Variants in ZNF639 observed in about 807,000 individuals in gnomAD.
The protein encoded by ZNF639 is zinc finger amplified in esophageal squamous cell carcinomas 1.
In ZNF639, 20 loss-of-function variants were observed where a neutral mutation model predicts 39.8. That is an observed-to-expected ratio of 0.50 (90% CI 0.35 to 0.73). The LOEUF (loss-of-function observed/expected upper bound fraction) is 0.73. Ranked by LOEUF, ZNF639 falls within the 30% of genes least tolerant of loss-of-function variation. The pLI is 0.00. For synonymous variants in ZNF639, 176 were observed against 189.8 expected (o/e 0.93, Z 0.60); for missense variants, 477 against 566.2 (o/e 0.84, Z 1.60).
chr3:179,326,735 C>T (rs1362644179), intron 1 of ZNF639, among the ~76,000 whole-genome samples: 1 of 151,872 alleles, frequency 6.6e-6, no homozygotes, highest in Non-Finnish European at 1.5e-5. Flanking sequence ...AAGCCATTCT[C>T]CTGCCTCAGC....
In ZNF639 at chr3:179,325,889, G is replaced by A. The variant is rs549192372; in HGVS notation, c.-82-1672G>A. ...GAGCGAGACTCTGTCCGAAAAAAAA[G>A]TAAAAATAAAATAAACTGAAAAAGC... is the stretch of plus-strand genomic sequence containing the variant. On this transcript the variant is annotated intron_variant, in intron 1 of 5. Transcript: ENST00000496856. 1.4e-4 allele frequency among the ~76,000 whole-genome samples: 21 copies of A among 150,364 alleles called. No homozygotes were observed. In the South Asian group the frequency reaches 1.7e-3, roughly 12 times the overall value.
chr3:179,336,033 C>T lies in ZNF639; in HGVS notation c.*1611C>T, dbSNP rs1362397882. ...CTCAAATTCCTGACCTCAGGTGATC[C>T]ACCTGCCTCAGTCTCCCAAAGTGCT... On this transcript the variant is annotated 3_prime_UTR_variant, in exon 6 of 6. Coordinates refer to ENST00000496856, the MANE Select transcript of ZNF639 (RefSeq NM_001303426.2). 2 of 152,100 alleles carry T rather than the reference C, an allele frequency of 1.3e-5. No individual in the cohort carries two copies. Among genetic ancestry groups the T allele is most frequent in the South Asian group, 2.1e-4 (1 of 4,826 alleles). The allele number at this position is 152,100 out of a possible 1,614,324, so 9.4% of individuals were successfully genotyped here. A position where few individuals can be genotyped will look rare whatever the true frequency, so the allele number is the denominator to read the frequency against.
At chr3:179,332,393 T>C (rs537100835) in intron 4 of ZNF639, among the ~76,000 whole-genome samples, 2 of 152,212 alleles carry the variant, frequency 1.3e-5, no homozygotes, top group East Asian at 3.9e-4. Flanking sequence ...GAGGCCAAGG[T>C]GGGAGGATCG....
At chr3:179,324,260 TTG>T (rs1455069163) in intron 1 of ZNF639, among the ~76,000 whole-genome samples, 3 of 152,226 alleles carry the variant, frequency 2.0e-5, no homozygotes, top group Non-Finnish European at 2.9e-5. Flanking sequence ...TGACTGCCTG[TTG>T]TATGTATTCT....
rs1711521333 is a variant in ZNF639, at chr3:179,336,240, G to A, written c.*1818G>A. The stretch of plus-strand genomic sequence containing the variant: ...GACTTCAACATATGAATTTGGGAGG[G>A]AACACAATTGAGTAGCAGAGTCTGA... On this transcript the variant is annotated 3_prime_UTR_variant, in exon 6 of 6. Transcript: ENST00000496856. 1 of 152,182 alleles carries A rather than the reference G, an allele frequency of 6.6e-6. No individual in the cohort carries two copies. The highest frequency in any genetic ancestry group is 2.4e-5 in the African/African-American group (1 of 41,428). The allele number at this position is 152,182 out of a possible 1,614,324, so 9.4% of individuals were successfully genotyped here.
chr3:179,328,015 T>A, intron 2 of ZNF639: 1 of 278,260 alleles, frequency 3.6e-6, no homozygotes, highest in Non-Finnish European at 6.8e-6. Context: ...ATTGTAATTA[T>A]CCAGTTCTCA....
At chr3:179,328,565 C>T (rs1036839681) in intron 3 of ZNF639, among the ~76,000 whole-genome samples, 1 of 152,170 alleles carries the variant, frequency 6.6e-6, no homozygotes. Flanking sequence ...TATTATTCCT[C>T]ACAGCTCTAT....
chr3:179,329,749 AAT>A (rs751933599), intron 4 of ZNF639, 21 bp downstream of exon 4: 9 of 1,355,914 alleles, frequency 6.6e-6, no homozygotes, highest in South Asian at 4.0e-5. Context: ...TATTTTCGAA[AAT>A]ATGTTTCTTT....
At chr3:179,329,288 C>T (rs1311506712) in intron 3 of ZNF639, among the ~76,000 whole-genome samples, 1 of 152,198 alleles carries the variant, frequency 6.6e-6, no homozygotes. Context: ...TGACATGGCA[C>T]ACCTTCCTGG....
rs552959359 is a variant in ZNF639 at position 179,324,783 on chromosome 3, G to A, written c.-83+1492G>A. Reference sequence around the variant, plus strand: ...TTTTCTTACTTTTATTCTTCAAGTTGCAAAGAACTTGAGATGCATTCTGAA... The same window carrying A: ...TTTTCTTACTTTTATTCTTCAAGTTACAAAGAACTTGAGATGCATTCTGAA... On this transcript the variant is annotated intron_variant, in intron 1 of 5. Coordinates refer to ENST00000496856, the MANE Select transcript of ZNF639 (RefSeq NM_001303426.2). Among the ~76,000 whole-genome samples the A allele has an allele frequency of 1.1e-4, 16 of 152,284 alleles. 1 individual carries two copies. Among genetic ancestry groups the A allele is most frequent in the African/African-American group, 2.9e-4 (12 of 41,560 alleles).
At position 179,334,119 on chromosome 3, in the gene ZNF639, T is replaced by G. The variant is rs1345908444; in HGVS notation, c.1155T>G (p.Leu385=). 1.7e-5 allele frequency: 27 copies of G among 1,613,960 alleles called. No homozygotes were observed. Among genetic ancestry groups the G allele is most frequent in the Non-Finnish European group, 2.1e-5 (25 of 1,179,978 alleles). ...VCQVCGFRSR[L]HTNVNRHVAI... ...AAGTATGTGGTTTTCGGAGTAGACT[T>G]CACACAAATGTTAACAGGCATGTTG... is the stretch of plus-strand genomic sequence containing the variant. Residue 385 remains leucine (L), a synonymous_variant, in exon 6 of 6, where the codon CTT becomes CTG. Transcript: ENST00000496856.
rs1711577980 is a variant in ZNF639 at position 179,337,469 on chromosome 3, TG to T, written c.*3050del. 1 of 151,398 alleles carries T rather than the reference TG, an allele frequency of 6.6e-6. No individual in the cohort carries two copies. The highest frequency in any genetic ancestry group is 1.5e-5 in the Non-Finnish European group (1 of 67,926). 9.4% of individuals were successfully genotyped at this position (151,398 alleles called of 1,614,324 possible). ...CTCCTGCCTTAGCCTCCCAAGTAGC[TG>T]GGATTATAGGCGTGTGCCACCACAC... On this transcript the variant is annotated 3_prime_UTR_variant, in exon 6 of 6. Transcript: ENST00000496856.
chr3:179,332,217 G>A (rs1727957785), intron 4 of ZNF639, among the ~76,000 whole-genome samples: 1 of 152,208 alleles, frequency 6.6e-6, no homozygotes, highest in Non-Finnish European at 1.5e-5. Flanking sequence ...CCACACTAAT[G>A]TTAGATGTTA....
rs934608981 is a variant in ZNF639, at chr3:179,336,410, T to A, written c.*1988T>A. 1 of 152,252 alleles carries A rather than the reference T, an allele frequency of 6.6e-6. No individual in the cohort carries two copies. The highest frequency in any genetic ancestry group is 1.5e-5 in the Non-Finnish European group (1 of 68,042). 9.4% of individuals were successfully genotyped at this position (152,252 alleles called of 1,614,324 possible). ...TTTCCCACTTCAAGAATTTAGTCTG[T>A]TTGGACAATGGTGGCTGCAAGTATT... On this transcript the variant is annotated 3_prime_UTR_variant, in exon 6 of 6. Transcript: ENST00000496856.
In ZNF639 at chr3:179,333,002, T is replaced by A; in HGVS notation, c.183T>A (p.Asp61Glu). ...CCCTTTTTACAGATGATGATTCTGA[T>A]ACCGAGACGTCAAATGACTTGCCAA... Reference protein sequence around the residue: ...KYFDNKDDDSDTETSNDLPKF... With the variant: ...KYFDNKDDDSETETSNDLPKF... Residue 61 changes from aspartate to glutamate, a missense_variant, in exon 5 of 6, where the codon GAT becomes GAA. Asp to Glu is a conservative substitution (Grantham distance 45, BLOSUM62 2). Transcript: ENST00000496856. The A allele has an allele frequency of 6.5e-7, 1 of 1,550,278 alleles. No homozygotes were observed. The highest frequency in any genetic ancestry group is 8.7e-7 in the Non-Finnish European group (1 of 1,146,928).
chr3:179,333,529 G>A lies in ZNF639; in HGVS notation c.565G>A (p.Ala189Thr), dbSNP rs1286162259. 1 of 1,614,116 alleles carries A rather than the reference G, an allele frequency of 6.2e-7. No individual in the cohort carries two copies. Among genetic ancestry groups the A allele is most frequent in the Admixed American group, 1.7e-5 (1 of 60,020 alleles). The change falls in exon 6 of 6, where the codon GCC becomes ACC. Residue 189 changes from alanine to threonine, a missense_variant. Transcript: ENST00000496856. Reference sequence around the variant, plus strand: ...CAAGAGCCAAGCTTTGAATGTGACTGCCCAGCAGAAATGGCCTTTACTGAG... The same window carrying A: ...CAAGAGCCAAGCTTTGAATGTGACTACCCAGCAGAAATGGCCTTTACTGAG... ...LDKSQALNVT[A>T]QQKWPLLRAN...
rs888152939 is a variant in ZNF639 at position 179,333,783 on chromosome 3, G to C, written c.819G>C (p.Glu273Asp). Reference sequence around the variant, plus strand: ...GTGATTATAAGACAGTAATTTTTGAGAACCTCAGCCAGCACATTGCAGACA... The same window carrying C: ...GTGATTATAAGACAGTAATTTTTGACAACCTCAGCCAGCACATTGCAGACA... ...KYCDYKTVIF[E>D]NLSQHIADTH... The change falls in exon 6 of 6, where the codon GAG becomes GAC. Residue 273 changes from glutamate to aspartate, a missense_variant. By Grantham distance (45) the Glu-to-Asp change is conservative. Transcript: ENST00000496856. 1.2e-6 allele frequency: 2 copies of C among 1,614,136 alleles called. No individual in the cohort carries two copies. Among genetic ancestry groups the C allele is most frequent in the Non-Finnish European group, 1.7e-6 (2 of 1,180,038 alleles).
intron 3 of ZNF639, among the ~76,000 whole-genome samples, chr3:179,329,253 C>A (rs566156560): frequency 1.3e-5 from 2 of 152,122 alleles, no homozygotes; most frequent in South Asian, 4.1e-4. Flanking sequence ...TTACCATTTC[C>A]CCTATGTAAC....
rs1728077763 is a variant in ZNF639 at position 179,334,034 on chromosome 3, G to A, written c.1070G>A (p.Gly357Glu). 6.2e-7 allele frequency: 1 copy of A among 1,614,150 alleles called. No individual in the cohort carries two copies. The highest frequency in any genetic ancestry group is 1.6e-4 in the Middle Eastern group (1 of 6,062). The change falls in exon 6 of 6, where the codon GGA becomes GAA. Residue 357 changes from glycine to glutamate, a missense_variant. Gly to Glu is a moderately conservative substitution (Grantham distance 98, BLOSUM62 -2). Transcript: ENST00000496856. ...LSDKYNNGEH[G>E]QYSLLSKITF... ...GATAAGTATAACAATGGTGAACATG[G>A]ACAGTATAGCCTCTTAAGCAAAATT... is the stretch of plus-strand genomic sequence containing the variant.
Sources: gnomAD v4.1 joint callset for allele counts (sites outside exome capture counted in the v4.1 genomes callset) on GRCh38, gnomAD v4.1.1 for gene constraint, MANE v1.5 for transcripts, NCBI Gene and HGNC (gene_info 2026-07-23, HGNC 2026-07-21) for gene names.